EXOC6B: variants seen among roughly 807,000 people sequenced by gnomAD.
The protein encoded by EXOC6B is exocyst complex component 6B, also known as SEC15 homolog B.
In EXOC6B, 54 loss-of-function variants were observed where a neutral mutation model predicts 113.5. That is an observed-to-expected ratio of 0.48 (90% CI 0.38 to 0.60). The LOEUF (loss-of-function observed/expected upper bound fraction) is 0.60, where lower values mean the gene tolerates loss of function less well. EXOC6B is among the 20% of genes least tolerant of loss of function. EXOC6B has a pLI of 0.00. For missense variants in EXOC6B, 797 were observed against 977.5 expected (o/e 0.82, Z 2.46); for synonymous variants, 357 against 339.0 (o/e 1.05, Z -0.58).
chr2:72,222,021 C>G (rs1680899382), intron 20 of EXOC6B, among the ~76,000 whole-genome samples: 1 of 152,150 alleles, frequency 6.6e-6, no homozygotes, highest in African/African-American at 2.4e-5. Context: ...TGAAAGATGA[C>G]TGAGCAGAGA....
intron 20 of EXOC6B, among the ~76,000 whole-genome samples, chr2:72,322,736 G>A (rs963210736): frequency 6.6e-6 from 1 of 152,050 alleles, no homozygotes; most frequent in Non-Finnish European, 1.5e-5. Flanking sequence ...ACAAGCAATG[G>A]GGAAAGGATT....
intron 8 of EXOC6B, among the ~76,000 whole-genome samples, chr2:72,519,369 T>TGGA (rs1701374571): frequency 1.3e-5 from 2 of 152,180 alleles, no homozygotes; most frequent in Admixed American, 1.3e-4. Flanking sequence ...CTAGTGTTCC[T>TGGA]AAGCTCAAGA....
At chr2:72,264,764 T>C (rs570903264) in intron 20 of EXOC6B, among the ~76,000 whole-genome samples, 1 of 152,164 alleles carries the variant, frequency 6.6e-6, no homozygotes, top group East Asian at 1.9e-4. Flanking sequence ...CTGATGGTTT[T>C]ATAAGCATCT....
chr2:72,798,211 G>A (rs1030582305), intron 1 of EXOC6B, among the ~76,000 whole-genome samples: 2 of 152,046 alleles, frequency 1.3e-5, no homozygotes, highest in Non-Finnish European at 2.9e-5. Context: ...TTTCCATTCT[G>A]AAGATTTACC....
At chr2:72,446,424 C>T (rs1356854718) in intron 18 of EXOC6B, among the ~76,000 whole-genome samples, 1 of 151,554 alleles carries the variant, frequency 6.6e-6, no homozygotes, top group East Asian at 1.9e-4. Context: ...TATATATACA[C>T]CATAGAATAC....
chr2:72,676,693 A>G (rs1261157711), intron 6 of EXOC6B, among the ~76,000 whole-genome samples: 1 of 152,212 alleles, frequency 6.6e-6, no homozygotes. Context: ...GAAATCTTCA[A>G]TAAGATTAAC....
intron 6 of EXOC6B, among the ~76,000 whole-genome samples, chr2:72,657,567 C>CTTTTTTT (rs70963136): frequency 0.06 from 3,007 of 50,236 alleles, 218 homozygotes; most frequent in East Asian, 0.071. Context: ...CTTTCCTTTT[C>CTTTTTTT]TTTTTTTTTT....
At chr2:72,308,821 C>A (rs7569059) in intron 20 of EXOC6B, among the ~76,000 whole-genome samples, 29,081 of 151,900 alleles carry the variant, frequency 0.19, 5,023 homozygotes, top group African/African-American at 0.46. Flanking sequence ...ATAACTAAAA[C>A]TACTGTAGTT....
chr2:72,396,974 G>GAA (rs74585468), intron 18 of EXOC6B, among the ~76,000 whole-genome samples: 2 of 139,218 alleles, frequency 1.4e-5, no homozygotes, highest in Non-Finnish European at 3.2e-5. Flanking sequence ...GAACTCTACT[G>GAA]AAAAAAAAAA....
chr2:72,547,894 T>C (rs546860705), intron 8 of EXOC6B, among the ~76,000 whole-genome samples: 11 of 152,202 alleles, frequency 7.2e-5, no homozygotes, highest in Non-Finnish European at 1.6e-4. Flanking sequence ...GTTTTCCCTT[T>C]TAAAAACATA....
At chr2:72,762,385 G>C (rs1355430203) in intron 1 of EXOC6B, among the ~76,000 whole-genome samples, 1 of 152,074 alleles carries the variant, frequency 6.6e-6, no homozygotes, top group Non-Finnish European at 1.5e-5. Flanking sequence ...AGGCTTCTTG[G>C]AGTTGCTAAC....
At chr2:72,367,588 C>G (rs1353073677) in intron 19 of EXOC6B, among the ~76,000 whole-genome samples, 1 of 152,128 alleles carries the variant, frequency 6.6e-6, no homozygotes, top group African/African-American at 2.4e-5. Flanking sequence ...ATCAGGTGAG[C>G]AATCACGCTA....
intron 19 of EXOC6B, among the ~76,000 whole-genome samples, chr2:72,336,067 T>C (rs1460011874): frequency 6.6e-6 from 1 of 152,078 alleles, no homozygotes; most frequent in Non-Finnish European, 1.5e-5. Context: ...TGGACAGTTA[T>C]ACTATTATTC....
chr2:72,793,340 C>T (rs1684782177), intron 1 of EXOC6B, among the ~76,000 whole-genome samples: 1 of 152,098 alleles, frequency 6.6e-6, no homozygotes, highest in Admixed American at 6.6e-5. Flanking sequence ...ACACTCTTTC[C>T]TAAAATAAGA....
Position 72,541,255 on chromosome 2 carries a change from C to T in EXOC6B, c.915+18198G>A, listed in dbSNP as rs114635478. On this transcript the variant is annotated intron_variant, in intron 8 of 21. Coordinates refer to ENST00000272427, the MANE Select transcript of EXOC6B (RefSeq NM_015189.3). Reference sequence around the variant, plus strand: ...TCCTGCCATGATTCTGAGGCTTCCCCGGACATATGGAACTGTTAAGTCCAA... The same window carrying T: ...TCCTGCCATGATTCTGAGGCTTCCCTGGACATATGGAACTGTTAAGTCCAA... Among the ~76,000 whole-genome samples, 1,124 of 152,276 alleles carry T rather than the reference C, an allele frequency of 7.4e-3. 14 individuals carry two copies. Among genetic ancestry groups the T allele is most frequent in the African/African-American group, 0.025 (1,047 of 41,542 alleles).
intron 6 of EXOC6B, among the ~76,000 whole-genome samples, chr2:72,639,934 C>T (rs940397353): frequency 6.6e-6 from 1 of 152,156 alleles, no homozygotes; most frequent in African/African-American, 2.4e-5. Context: ...GCACAAGAGG[C>T]CTGACAACTC....
chr2:72,526,040 A>T (rs1701732446), intron 8 of EXOC6B, among the ~76,000 whole-genome samples: 1 of 152,152 alleles, frequency 6.6e-6, no homozygotes, highest in Non-Finnish European at 1.5e-5. Context: ...GCCAATTTTT[A>T]AGTCTTTTCT....
At chr2:72,711,826 C>T (rs1036684989) in intron 6 of EXOC6B, among the ~76,000 whole-genome samples, 2 of 152,040 alleles carry the variant, frequency 1.3e-5, no homozygotes, top group Admixed American at 6.6e-5. Flanking sequence ...AGCATGGATA[C>T]GCTGGACCAA....
At chr2:72,704,653 A>C (rs1305445433) in intron 6 of EXOC6B, among the ~76,000 whole-genome samples, 18 of 152,226 alleles carry the variant, frequency 1.2e-4, no homozygotes, top group East Asian at 3.9e-4. Context: ...GATATCACCA[A>C]CGATCCCACA....
Sources: gnomAD v4.1 joint callset for allele counts (sites outside exome capture counted in the v4.1 genomes callset) on GRCh38, gnomAD v4.1.1 for gene constraint, MANE v1.5 for transcripts, NCBI Gene and HGNC (gene_info 2026-07-23, HGNC 2026-07-21) for gene names.